The following PKN2 variants were observed in gnomAD, a reference collection of about 807,000 sequenced individuals.
The protein encoded by PKN2 is protein kinase N2.
PKN2 carries 38 observed loss-of-function variants against 119.1 expected under a neutral mutation model. The ratio of observed to expected loss-of-function variants is 0.32; its 90% CI spans 0.25 to 0.42. The LOEUF (loss-of-function observed/expected upper bound fraction) is 0.42. Ranked by LOEUF, PKN2 falls within the 10% of genes least tolerant of loss-of-function variation. PKN2 has a pLI of 1.00. For synonymous variants in PKN2, 390 were observed against 384.9 expected, an observed-to-expected ratio of 1.01 and a Z score of -0.15; for missense variants, 850 against 1,165.1, an observed-to-expected ratio of 0.73 and a Z score of 3.94.
intron 8 of PKN2, among the ~76,000 whole-genome samples, chr1:88,787,675 T>C (rs1046430934): frequency 6.6e-5 from 10 of 152,204 alleles, no homozygotes; most frequent in Non-Finnish European, 2.9e-5. Flanking sequence ...ATAACTGTTA[T>C]TTGTTCTTTC....
chr1:88,722,073 GGTAGGCTCTA>G (rs1441496242), intron 1 of PKN2, among the ~76,000 whole-genome samples: 1 of 152,174 alleles, frequency 6.6e-6, no homozygotes, highest in East Asian at 1.9e-4. Flanking sequence ...TAGAGTCATT[GGTAGGCTCTA>G]GTACTTGTCT....
intron 1 of PKN2, among the ~76,000 whole-genome samples, chr1:88,688,452 G>A (rs1666195198): frequency 6.6e-6 from 1 of 152,120 alleles, no homozygotes; most frequent in South Asian, 2.1e-4. Context: ...TAATGTTATA[G>A]TTGTATGAAC....
chr1:88,800,980 C>T (rs750296908), intron 8 of PKN2, among the ~76,000 whole-genome samples: 8 of 152,110 alleles, frequency 5.3e-5, no homozygotes, highest in South Asian at 4.1e-4. Context: ...TCTAGAATAT[C>T]GTTGCTCCTA....
At position 88,804,432 on chromosome 1, in the gene PKN2, G is replaced by C. The variant is rs1365588447; in HGVS notation, c.1323G>C (p.Arg441=). Residue 441 remains arginine, a synonymous_variant, in exon 9 of 22, where the codon CGG becomes CGC. Transcript: ENST00000370521. ...TTTCAGTTTATTGGCGTGATTGGCGGTCTCTGTGTGCTGTAAAATTTCTGA... is the reference window on the plus strand; with the variant it reads ...TTTCAGTTTATTGGCGTGATTGGCGCTCTCTGTGTGCTGTAAAATTTCTGA... ...LEISVYWRDW[R]SLCAVKFLRL... 1.9e-6 allele frequency: 3 copies of C among 1,612,934 alleles called. No individual in the cohort carries two copies. The East Asian group carries it at 6.7e-5, about 36-fold the overall frequency.
intron 8 of PKN2, among the ~76,000 whole-genome samples, chr1:88,794,015 G>C (rs1310868872): frequency 6.6e-6 from 1 of 152,048 alleles, no homozygotes; most frequent in Non-Finnish European, 1.5e-5. Context: ...CTGAACTCTG[G>C]TATACCTTTA....
At chr1:88,730,425 A>G (rs1369660263) in intron 1 of PKN2, among the ~76,000 whole-genome samples, 1 of 152,112 alleles carries the variant, frequency 6.6e-6, no homozygotes, top group Non-Finnish European at 1.5e-5. Context: ...TCCTTAGTGT[A>G]TTGGGTTTTG....
intron 18 of PKN2, among the ~76,000 whole-genome samples, chr1:88,827,860 C>T (rs1672571213): frequency 6.6e-6 from 1 of 151,974 alleles, no homozygotes; most frequent in African/African-American, 2.4e-5. Context: ...GCTGAGATTA[C>T]AGGCGGGAGC....
At chr1:88,823,102 C>T (rs905726385) in intron 17 of PKN2, among the ~76,000 whole-genome samples, 1 of 152,074 alleles carries the variant, frequency 6.6e-6, no homozygotes, top group African/African-American at 2.4e-5. Context: ...CTGCCTGTAT[C>T]CCAGCTACTC....
intron 16 of PKN2, among the ~76,000 whole-genome samples, chr1:88,818,596 A>C (rs1166491963): frequency 3.3e-5 from 5 of 151,584 alleles, no homozygotes; most frequent in African/African-American, 4.8e-5. Context: ...TGCAGTAAGC[A>C]AAGACTGTGC....
intron 19 of PKN2, chr1:88,829,318 A>C: frequency 1.7e-6 from 1 of 585,752 alleles, no homozygotes. Flanking sequence ...TGCTATCAAA[A>C]GTATTCGCTA....
chr1:88,781,026 C>G (rs1030724261), intron 6 of PKN2: 3 of 942,876 alleles, frequency 3.2e-6, no homozygotes, highest in Admixed American at 1.0e-4. Flanking sequence ...AAGTATCTTA[C>G]AATTCTTAAG....
chr1:88,799,499 A>T (rs1056072477), intron 8 of PKN2, among the ~76,000 whole-genome samples: 2 of 152,144 alleles, frequency 1.3e-5, no homozygotes, highest in African/African-American at 4.8e-5. Context: ...GCTGATGACT[A>T]CAAAGTTCAC....
chr1:88,780,189 A>T (rs1670277796), intron 6 of PKN2, among the ~76,000 whole-genome samples: 1 of 152,178 alleles, frequency 6.6e-6, no homozygotes, highest in South Asian at 2.1e-4. Context: ...AAAAGAAGTA[A>T]TCTTGCTTAA....
chr1:88,714,972 T>G (rs1037656261), intron 1 of PKN2, among the ~76,000 whole-genome samples: 5 of 152,214 alleles, frequency 3.3e-5, no homozygotes, highest in African/African-American at 1.2e-4. Context: ...ATTGACTGTT[T>G]TTAGTATGAA....
intron 8 of PKN2, among the ~76,000 whole-genome samples, chr1:88,792,530 A>G (rs1229750623): frequency 6.6e-6 from 1 of 152,196 alleles, no homozygotes; most frequent in African/African-American, 2.4e-5. Context: ...ACAAGCCTAC[A>G]TTTCCAACCC....
intron 1 of PKN2, among the ~76,000 whole-genome samples, chr1:88,726,639 C>T (rs1365453905): frequency 6.6e-6 from 1 of 152,018 alleles, no homozygotes; most frequent in Non-Finnish European, 1.5e-5. Context: ...GTGTGTATTT[C>T]TTCTGTCAGG....
chr1:88,779,151 C>T (rs540636510), intron 6 of PKN2, among the ~76,000 whole-genome samples: 1 of 152,314 alleles, frequency 6.6e-6, no homozygotes, highest in Admixed American at 6.5e-5. Context: ...CTCCTTACAG[C>T]AGGCTGCCAT....
At chr1:88,752,636 A>G (rs1034879800) in intron 2 of PKN2, among the ~76,000 whole-genome samples, 3 of 152,170 alleles carry the variant, frequency 2.0e-5, no homozygotes, top group South Asian at 2.1e-4. Context: ...TGAACCTTCT[A>G]TTAAAATGAA....
chr1:88,759,977 CTT>C (rs1669375271), intron 2 of PKN2, among the ~76,000 whole-genome samples: 1 of 151,448 alleles, frequency 6.6e-6, no homozygotes, highest in East Asian at 1.9e-4. Context: ...GAGTTTCAGA[CTT>C]AATATAATCA....
Sources: gnomAD v4.1 joint callset for allele counts (sites outside exome capture counted in the v4.1 genomes callset) on GRCh38, gnomAD v4.1.1 for gene constraint, MANE v1.5 for transcripts, NCBI Gene and HGNC (gene_info 2026-07-23, HGNC 2026-07-21) for gene names.